Variants in TUBA1B observed in about 807,000 individuals in gnomAD.
The protein encoded by TUBA1B is tubulin alpha 1b.
In TUBA1B, 1 loss-of-function variant was observed where a neutral mutation model predicts 34.4. The ratio of observed to expected loss-of-function variants is 0.03; its 90% CI spans 0.01 to 0.14. The LOEUF (loss-of-function observed/expected upper bound fraction) is 0.14. Ranked by LOEUF, TUBA1B falls within the 10% of genes least tolerant of loss-of-function variation. The pLI, the probability that TUBA1B is intolerant of heterozygous loss-of-function variation, is 1.00. For synonymous variants in TUBA1B, 197 were observed against 212.5 expected (o/e 0.93, Z 0.64); for missense variants, 54 against 583.6 (o/e 0.09, Z 9.35).
rs1249912844 is a variant in TUBA1B at position 49,128,810 on chromosome 12, C to T, written c.504G>A (p.Glu168=). 1 of 1,613,872 alleles carries T rather than the reference C, an allele frequency of 6.2e-7. No individual in the cohort carries two copies. The highest frequency in any genetic ancestry group is 8.5e-7 in the Non-Finnish European group (1 of 1,180,016). ...SVDYGKKSKL[E]FSIYPAPQVS... is the part of the protein sequence containing the mutation. ...CCTGGGGTGCTGGGTAAATGGAGAA[C>T]TCCAGCTTGGACTTCTTGCCATAAT... The change falls in exon 4 of 4, where the codon GAG becomes GAA. Residue 168 remains glutamate (E), a synonymous_variant. Transcript: ENST00000336023. This position sits in a 1 kb window ranked among gnomAD's most constrained non-coding sequence, Gnocchi z 8.1.
chr12:49,130,475 T>A (rs990798122), intron 1 of TUBA1B: 1 of 683,672 alleles, frequency 1.5e-6, no homozygotes, highest in African/African-American at 1.8e-5. Flanking sequence ...CCTGCCGGCA[T>A]CGGGCTCAGC....
intron 1 of TUBA1B, 78 bp downstream of exon 1, chr12:49,131,220 A>G: frequency 6.5e-7 from 1 of 1,542,188 alleles, no homozygotes; most frequent in East Asian, 2.4e-5. Flanking sequence ...TCCCGGCTGT[A>G]TACAGGGCCC....
At chr12:49,131,147 C>A in intron 1 of TUBA1B, 151 bp downstream of exon 1, 1 of 974,466 alleles carries the variant, frequency 1.0e-6, no homozygotes, top group South Asian at 1.5e-5. Flanking sequence ...GGTCTCACCA[C>A]TCCCGCCCTG....
intron 1 of TUBA1B, 91 bp from the exon 2 acceptor site, chr12:49,129,813 A>G: frequency 6.4e-7 from 1 of 1,569,028 alleles, no homozygotes; most frequent in Non-Finnish European, 8.6e-7. Flanking sequence ...TTATTTTTTT[A>G]GAGATAAGGT....
At chr12:49,130,329 G>A (rs1294672263) in intron 1 of TUBA1B, 4 of 1,289,112 alleles carry the variant, frequency 3.1e-6, no homozygotes, top group African/African-American at 3.0e-5. Flanking sequence ...TGTCCGCAGG[G>A]ACAAGGGGCG....
intron 2 of TUBA1B, 46 bp downstream of exon 2, chr12:49,129,453 CT>C: frequency 6.2e-7 from 1 of 1,613,692 alleles, no homozygotes; most frequent in Non-Finnish European, 8.5e-7. Context: ...CTGGACAGAC[CT>C]CCTGTCCCAG....
rs1941777241 is a variant in TUBA1B at position 49,129,510 on chromosome 12, G to A, written c.216C>T (p.Pro72=). The A allele has an allele frequency of 6.2e-7, 1 of 1,614,108 alleles. No homozygotes were observed. Among genetic ancestry groups the A allele is most frequent in the Admixed American group, 1.7e-5 (1 of 60,000 alleles). Residue 72 remains proline (P), a synonymous_variant, in exon 2 of 4, where the codon CCC becomes CCT. Coordinates refer to ENST00000336023, the MANE Select transcript of TUBA1B (RefSeq NM_006082.3). ...CTGAGGTCAACTCACCAATGACTGT[G>A]GGTTCCAAGTCTACAAACACAGCCC... ...VPRAVFVDLE[P]TVIDEVRTGT...
intron 1 of TUBA1B, chr12:49,130,759 G>A (rs938206501): frequency 1.1e-5 from 2 of 183,272 alleles, no homozygotes; most frequent in Non-Finnish European, 2.4e-5. Flanking sequence ...CAGGAGACAC[G>A]CCCTGTAGCC....
rs1941793902 is a variant in TUBA1B, at chr12:49,130,710, C to A, written c.3+588G>T. The A allele has an allele frequency of 1.5e-5, 3 of 201,212 alleles. No individual in the cohort carries two copies. In the South Asian group the frequency reaches 2.1e-4, roughly 14 times the overall value. The allele number at this position is 201,212 out of a possible 1,614,324, so 12.5% of individuals were successfully genotyped here. On this transcript the variant is annotated intron_variant, in intron 1 of 3. Transcript: ENST00000336023. ...ATTGACAGGGAGCTCTTCCGCAGTC[C>A]TCTTATTGCTTTCATCAAAAAAAGA...
chr12:49,127,897 G>T lies in TUBA1B; in HGVS notation c.*61C>A, dbSNP rs1330056059. On this transcript the variant is annotated 3_prime_UTR_variant, in exon 4 of 4. Transcript: ENST00000336023. The stretch of plus-strand genomic sequence containing the variant: ...AACCAGAAAGCTTTAACGTCTGTCA[G>T]TTAAGCTGAAGCTGAAATTCTGGGA... 3.6e-5 allele frequency: 58 copies of T among 1,612,072 alleles called. No individual in the cohort carries two copies. The highest frequency in any genetic ancestry group is 4.5e-5 in the Non-Finnish European group (53 of 1,178,580).
intron 3 of TUBA1B, 148 bp downstream of exon 3, chr12:49,129,094 C>A: frequency 6.5e-7 from 1 of 1,549,062 alleles, no homozygotes; most frequent in South Asian, 1.2e-5. Context: ...AACCTAGGGA[C>A]TATCTGATTT....
At chr12:49,129,458 G>C in intron 2 of TUBA1B, 42 bp downstream of exon 2, 3 of 1,613,730 alleles carry the variant, frequency 1.9e-6, no homozygotes, top group Non-Finnish European at 2.5e-6. Flanking sequence ...CAGACCTCCT[G>C]TCCCAGCATC....
At chr12:49,130,133 C>A in intron 1 of TUBA1B, 1 of 1,199,262 alleles carries the variant, frequency 8.3e-7, no homozygotes, top group Non-Finnish European at 1.1e-6. Context: ...CCATCCTAAA[C>A]CGGGAAGGCC....
At chr12:49,130,616 G>A in intron 1 of TUBA1B, 1 of 345,490 alleles carries the variant, frequency 2.9e-6, no homozygotes, top group Non-Finnish European at 5.8e-6. Flanking sequence ...TAACGCAGCA[G>A]GGAGAGACAG....
chr12:49,131,347 T>C lies in TUBA1B; in HGVS notation c.-47A>G. On this transcript the variant is annotated 5_prime_UTR_variant, in exon 1 of 4. Coordinates refer to ENST00000336023, the MANE Select transcript of TUBA1B (RefSeq NM_006082.3). ...GAAGGCGACAGGAGCAGACACCGGG[T>C]CCCGGTTACCGTCCCCGACAAGCTA... 6.2e-7 allele frequency: 1 copy of C among 1,607,460 alleles called. No homozygotes were observed. Among genetic ancestry groups the C allele is most frequent in the Admixed American group, 1.7e-5 (1 of 59,262 alleles).
intron 1 of TUBA1B, chr12:49,130,087 C>T (rs1287943849): frequency 1.7e-6 from 2 of 1,200,496 alleles, no homozygotes; most frequent in Non-Finnish European, 2.1e-6. Context: ...AACAGCTACA[C>T]TATAGTCTAC....
In TUBA1B at chr12:49,127,979, C is replaced by A; in HGVS notation, c.1335G>T (p.Glu445Asp). ...VGVDSVEGEG[E>D]EEGEEY ...ATAATTAGTATTCCTCTCCTTCTTC[C>A]TCACCCTCTCCTTCAACAGAATCCA... Residue 445 changes from glutamate (E) to aspartate (D), a missense_variant, in exon 4 of 4, where the codon GAG (glutamate) becomes GAT (aspartate). Glu to Asp is a conservative substitution (Grantham distance 45, BLOSUM62 2). Coordinates refer to ENST00000336023, the MANE Select transcript of TUBA1B (RefSeq NM_006082.3). 6.2e-7 allele frequency: 1 copy of A among 1,614,070 alleles called. No homozygotes were observed. Among genetic ancestry groups the A allele is most frequent in the South Asian group, 1.1e-5 (1 of 91,074 alleles).
intron 1 of TUBA1B, chr12:49,130,980 G>A (rs1592246882): frequency 3.2e-6 from 1 of 310,692 alleles, no homozygotes; most frequent in Non-Finnish European, 6.3e-6. Flanking sequence ...AAAGGACTGC[G>A]GGGACTCGAG....
rs1222525328 is a variant in TUBA1B, at chr12:49,128,498, A to G, written c.816T>C (p.Tyr272=). ...YPRIHFPLAT[Y]APVISAEKAY... ...CTTTCTCAGCAGAGATGACAGGGGC[A>G]TATGTGGCCAGAGGGAAGTGGATGC... The change falls in exon 4 of 4, where the codon TAT becomes TAC. Residue 272 remains tyrosine, a synonymous_variant. Coordinates refer to ENST00000336023, the MANE Select transcript of TUBA1B (RefSeq NM_006082.3). This position sits in a 1 kb window ranked among gnomAD's most constrained non-coding sequence, Gnocchi z 8.1. The G allele has an allele frequency of 1.9e-6, 3 of 1,613,934 alleles. No homozygotes were observed. The highest frequency in any genetic ancestry group is 2.2e-5 in the South Asian group (2 of 91,066).
Sources: gnomAD v4.1 joint callset for allele counts on GRCh38, gnomAD v4.1.1 for gene constraint, Gnocchi (gnomAD v3.1) non-coding constraint, MANE v1.5 for transcripts, NCBI Gene and HGNC (gene_info 2026-07-23, HGNC 2026-07-21) for gene names.